The following ZMYND11 variants were observed in gnomAD, a reference collection of about 807,000 sequenced individuals.
ZMYND11 encodes zinc finger MYND domain-containing protein 11.
A neutral mutation model predicts 84.9 loss-of-function variants in ZMYND11; 9 were observed. That is an observed-to-expected ratio of 0.11 (90% CI 0.06 to 0.18). The LOEUF (loss-of-function observed/expected upper bound fraction) is 0.18. ZMYND11 is among the 10% of genes least tolerant of loss of function. The pLI, the probability that ZMYND11 is intolerant of heterozygous loss-of-function variation, is 1.00. For synonymous variants in ZMYND11, 250 were observed against 244.1 expected (o/e 1.02, Z -0.23); for missense variants, 409 against 761.0 (o/e 0.54, Z 5.44).
chr10:197,723 C>T (rs753160292), intron 2 of ZMYND11, among the ~76,000 whole-genome samples: 4 of 152,134 alleles, frequency 2.6e-5, no homozygotes, highest in Non-Finnish European at 4.4e-5. Context: ...TTGCAAAGCT[C>T]GTGTCAGGTG....
rs556406202 is a variant in ZMYND11 at position 218,207 on chromosome 10, T to G, written c.277-2988T>G. Among the ~76,000 whole-genome samples the G allele has an allele frequency of 2.6e-5, 4 of 152,364 alleles. No homozygotes were observed. In the East Asian group the frequency reaches 7.7e-4, roughly 29 times the overall value. ...TTTCTCTATGTCCATTTGTAGCTTT[T>G]GTGTTTGTTAGTTGAAACGTTTCCT... On this transcript the variant is annotated intron_variant, in intron 3 of 14. Coordinates refer to ENST00000381604, the MANE Select transcript of ZMYND11 (RefSeq NM_001370100.5).
intron 4 of ZMYND11, 118 bp downstream of exon 4, chr10:221,474 G>A (rs2131421819): frequency 1.0e-6 from 1 of 959,896 alleles, no homozygotes; most frequent in Non-Finnish European, 1.5e-6. Context: ...GGAGGGTGGG[G>A]GTTATCTAAT....
chr10:204,712 A>G (rs1018818563), intron 2 of ZMYND11, among the ~76,000 whole-genome samples: 2 of 152,108 alleles, frequency 1.3e-5, no homozygotes, highest in African/African-American at 4.8e-5. Flanking sequence ...AGGGCTAGGT[A>G]TTGAATTTTC....
At chr10:243,129 C>T (rs1039217997) in intron 10 of ZMYND11, among the ~76,000 whole-genome samples, 1 of 152,134 alleles carries the variant, frequency 6.6e-6, no homozygotes, top group African/African-American at 2.4e-5. Flanking sequence ...GTTCTTGCTT[C>T]ACTGTCTTCT....
intron 8 of ZMYND11, among the ~76,000 whole-genome samples, 183 bp downstream of exon 8, chr10:240,294 A>G (rs1016024297): frequency 3.9e-5 from 6 of 152,182 alleles, no homozygotes; most frequent in African/African-American, 1.4e-4. Flanking sequence ...TCACGAGATC[A>G]AGAGATCGAG....
rs374760962 is a variant in ZMYND11 at position 166,182 on chromosome 10, G to C, written c.-19-13812G>C. The stretch of plus-strand genomic sequence containing the variant: ...AACAGTTTAATCTTCCTGACCTTTG[G>C]TTTTGCAATGGATTCTTAGGTATGA... On this transcript the variant is annotated intron_variant, in intron 1 of 14. Coordinates refer to ENST00000381604, the MANE Select transcript of ZMYND11 (RefSeq NM_001370100.5). Among the ~76,000 whole-genome samples, 34 of 152,108 alleles carry C rather than the reference G, an allele frequency of 2.2e-4. 1 individual carries two copies. The East Asian group carries it at 2.3e-3, about 10-fold the overall frequency.
upstream of ZMYND11, among the ~76,000 whole-genome samples, chr10:130,280 G>A (rs1025899350): frequency 6.6e-6 from 1 of 152,162 alleles, no homozygotes; most frequent in Non-Finnish European, 1.5e-5. Context: ...CCTGGGTTGG[G>A]CTGCTGGGTC....
At chr10:183,381 G>T (rs376718354) in intron 2 of ZMYND11, among the ~76,000 whole-genome samples, 3 of 152,052 alleles carry the variant, frequency 2.0e-5, no homozygotes, top group African/African-American at 7.2e-5. Flanking sequence ...TGGTGGCTTG[G>T]GGGAGGGGGC....
intron 1 of ZMYND11, among the ~76,000 whole-genome samples, chr10:176,273 T>C (rs528737090): frequency 2.0e-5 from 3 of 152,106 alleles, no homozygotes; most frequent in South Asian, 4.1e-4. Context: ...TTTGCTACTT[T>C]TTATTTTTTT....
chr10:175,970 C>T (rs917594640), intron 1 of ZMYND11, among the ~76,000 whole-genome samples: 4 of 152,148 alleles, frequency 2.6e-5, no homozygotes, highest in Non-Finnish European at 4.4e-5. Flanking sequence ...ATCTCTCTTC[C>T]CTGCACCCTC....
chr10:240,033 G>T, intron 7 of ZMYND11, 23 bp from the exon 8 acceptor site: 2 of 1,599,232 alleles, frequency 1.3e-6, no homozygotes, highest in Non-Finnish European at 1.7e-6. Context: ...TTGCTTATAG[G>T]TAATATCTAT....
At chr10:187,485 T>C (rs1938982346) in intron 2 of ZMYND11, among the ~76,000 whole-genome samples, 1 of 150,640 alleles carries the variant, frequency 6.6e-6, no homozygotes, top group Admixed American at 6.6e-5. Context: ...ATACAAAAAA[T>C]TAGCCGGGCG....
chr10:247,932 A>T (rs750563867), intron 12 of ZMYND11, among the ~76,000 whole-genome samples: 1 of 152,264 alleles, frequency 6.6e-6, no homozygotes, highest in Admixed American at 6.5e-5. Context: ...ACACATATTC[A>T]GTGAGAAGTG....
chr10:227,767 T>C (rs1049411548), intron 4 of ZMYND11, among the ~76,000 whole-genome samples: 8 of 152,222 alleles, frequency 5.3e-5, no homozygotes, highest in African/African-American at 1.9e-4. Flanking sequence ...ATAACTGCTC[T>C]TGCTTTCTGA....
intron 14 of ZMYND11, among the ~76,000 whole-genome samples, chr10:251,404 T>G (rs1953464300): frequency 2.0e-5 from 3 of 152,166 alleles, no homozygotes; most frequent in Admixed American, 2.0e-4. Context: ...GCTGACATAA[T>G]GGATAATAAT....
In ZMYND11 at chr10:236,819, ATTC is replaced by A. The variant is rs758150160; in HGVS notation, c.439-16_439-14del. 4.2e-5 allele frequency: 67 copies of A among 1,596,458 alleles called. No individual in the cohort carries two copies. In the African/African-American group the frequency reaches 8.4e-4, roughly 20 times the overall value. ...ATGATCAGATTTTGTACCTTTTTTTATTCTTTTTTTTTCAATAGAGCATTAAGA... is the reference window on the plus strand; with the variant it reads ...ATGATCAGATTTTGTACCTTTTTTTATTTTTTTTTCAATAGAGCATTAAGA... On this transcript the variant is annotated splice_polypyrimidine_tract_variant and intron_variant, in intron 4 of 14. Coordinates refer to ENST00000381604, the MANE Select transcript of ZMYND11 (RefSeq NM_001370100.5).
Position 248,416 on chromosome 10 carries a change from G to A in ZMYND11, c.1308G>A (p.Val436=). Residue 436 remains valine (V), a synonymous_variant, in exon 13 of 15, where the codon GTG becomes GTA. Coordinates refer to ENST00000381604, the MANE Select transcript of ZMYND11 (RefSeq NM_001370100.5). ...CTCAGCCCATCGAAAAAGTCTCCGT[G>A]TCAACTCAGACAAAGAAGTTAAGTG... ...TMPQPIEKVS[V]STQTKKLSAS... 1 of 1,614,174 alleles carries A rather than the reference G, an allele frequency of 6.2e-7. No homozygotes were observed. The highest frequency in any genetic ancestry group is 2.2e-5 in the East Asian group (1 of 44,888).
Position 135,765 on chromosome 10 carries a change from G to C in ZMYND11, c.-20+206G>C, listed in dbSNP as rs1457299451. ...GGGGCGGGCCGGGCCGGCGGGGCCT[G>C]CGAGGGCGGCGGCGGGGCCTGCGGA... On this transcript the variant is annotated intron_variant, in intron 1 of 14. Coordinates refer to ENST00000381604, the MANE Select transcript of ZMYND11 (RefSeq NM_001370100.5). This position sits in a 1 kb window ranked among gnomAD's most constrained non-coding sequence, Gnocchi z 5.6. Among the ~76,000 whole-genome samples, 1 of 148,062 alleles carries C rather than the reference G, an allele frequency of 6.8e-6. No individual in the cohort carries two copies. The highest frequency in any genetic ancestry group is 1.5e-5 in the Non-Finnish European group (1 of 66,412).
intron 4 of ZMYND11, among the ~76,000 whole-genome samples, chr10:226,327 A>G (rs931124725): frequency 6.6e-6 from 1 of 152,174 alleles, no homozygotes; most frequent in African/African-American, 2.4e-5. Flanking sequence ...GCCTCATAAA[A>G]AGTCTGTCAG....
Sources: allele counts gnomAD v4.1 joint callset (sites outside exome capture counted in the v4.1 genomes callset), GRCh38; gene constraint gnomAD v4.1.1; non-coding constraint Gnocchi (gnomAD v3.1); transcripts MANE v1.5; gene names NCBI Gene and HGNC (gene_info 2026-07-23, HGNC 2026-07-21).